Variants in PPFIA2 observed in about 807,000 individuals in gnomAD.
PPFIA2 encodes PPFI scaffold protein A2, also known as liprin-alpha-2.
A neutral mutation model predicts 175.5 loss-of-function variants in PPFIA2; 46 were observed. The ratio of observed to expected loss-of-function variants is 0.26; its 90% CI spans 0.21 to 0.34. The LOEUF is 0.34. PPFIA2 is among the 10% of genes least tolerant of loss of function. The pLI is 1.00. For missense variants in PPFIA2, 1,179 were observed against 1,506.1 expected (o/e 0.78, Z 3.60); for synonymous variants, 568 against 511.4 (o/e 1.11, Z -1.49).
chr12:81,663,882 C>T (rs1238887300), intron 4 of PPFIA2, among the ~76,000 whole-genome samples: 2 of 152,084 alleles, frequency 1.3e-5, no homozygotes, highest in African/African-American at 4.8e-5. Flanking sequence ...AGAAATAATG[C>T]CACACATCTA....
chr12:81,352,044 GAA>G (rs1243672988), intron 17 of PPFIA2, among the ~76,000 whole-genome samples: 1 of 152,084 alleles, frequency 6.6e-6, no homozygotes, highest in Non-Finnish European at 1.5e-5. Flanking sequence ...TCCAGGCAGA[GAA>G]GAGGACTCTA....
intron 3 of PPFIA2, among the ~76,000 whole-genome samples, chr12:81,736,352 C>T (rs542519445): frequency 6.9e-4 from 105 of 151,972 alleles, no homozygotes; most frequent in Non-Finnish European, 1.2e-3. Flanking sequence ...GATCATTCTT[C>T]GATACTGTAC....
chr12:81,327,148 C>T (rs1461717272), intron 21 of PPFIA2, among the ~76,000 whole-genome samples: 4 of 151,906 alleles, frequency 2.6e-5, no homozygotes, highest in African/African-American at 9.7e-5. Flanking sequence ...AATCTCATTC[C>T]TGATAACCTT....
chr12:81,314,304 C>A (rs1008841811), intron 22 of PPFIA2, among the ~76,000 whole-genome samples: 2 of 151,704 alleles, frequency 1.3e-5, no homozygotes, highest in African/African-American at 4.8e-5. Flanking sequence ...ACATTCTTTT[C>A]TACACATATT....
chr12:81,361,882 A>G (rs1425202143), intron 15 of PPFIA2, among the ~76,000 whole-genome samples: 5 of 151,598 alleles, frequency 3.3e-5, no homozygotes, highest in Non-Finnish European at 7.4e-5. Flanking sequence ...TAAATAAGTG[A>G]CTAAATGAGT....
chr12:81,609,608 T>C (rs932617674), intron 4 of PPFIA2, among the ~76,000 whole-genome samples: 1 of 152,220 alleles, frequency 6.6e-6, no homozygotes, highest in Non-Finnish European at 1.5e-5. Context: ...TTCTCTTTTT[T>C]GTTTTCCATT....
intron 21 of PPFIA2, among the ~76,000 whole-genome samples, chr12:81,329,092 C>T (rs2055523200): frequency 6.6e-6 from 1 of 152,082 alleles, no homozygotes; most frequent in African/African-American, 2.4e-5. Flanking sequence ...ATGTGAGCCA[C>T]CATGCCTGGC....
At chr12:81,547,712 T>C (rs554858317) in intron 4 of PPFIA2, among the ~76,000 whole-genome samples, 5 of 152,324 alleles carry the variant, frequency 3.3e-5, no homozygotes, top group Non-Finnish European at 7.3e-5. Context: ...CCATAATCTG[T>C]TGACACTCTA....
At chr12:81,379,943 T>A (rs1436124339) in intron 9 of PPFIA2, among the ~76,000 whole-genome samples, 1 of 152,232 alleles carries the variant, frequency 6.6e-6, no homozygotes, top group Non-Finnish European at 1.5e-5. Flanking sequence ...TTTTTTATTA[T>A]ATGGTTGTTT....
chr12:81,393,407 C>T (rs2040516937), intron 8 of PPFIA2, among the ~76,000 whole-genome samples: 1 of 152,026 alleles, frequency 6.6e-6, no homozygotes, highest in Non-Finnish European at 1.5e-5. Context: ...TAGAGTGGAT[C>T]TTTCTTCCTG....
At position 81,698,864 on chromosome 12, in the gene PPFIA2, A is replaced by G. The variant is rs1229707204; in HGVS notation, c.250-22020T>C. Among the ~76,000 whole-genome samples the G allele has an allele frequency of 3.3e-5, 5 of 152,202 alleles. No homozygotes were observed. In the East Asian group the frequency reaches 9.7e-4, roughly 29 times the overall value. ...AGTAGTGGTTTTGAGTAGACTGTAT[A>G]TGAGTTATCTATTGTATGTTCCATG... On this transcript the variant is annotated intron_variant, in intron 3 of 32. Transcript: ENST00000549396.
At chr12:81,576,564 TTTTG>T in intron 4 of PPFIA2, among the ~76,000 whole-genome samples, 1 of 151,940 alleles carries the variant, frequency 6.6e-6, no homozygotes, top group Non-Finnish European at 1.5e-5. Flanking sequence ...TTTTGTTTTG[TTTTG>T]TTTATTAATA....
At chr12:81,438,512 A>G (rs1359394860) in intron 7 of PPFIA2, among the ~76,000 whole-genome samples, 2 of 152,044 alleles carry the variant, frequency 1.3e-5, no homozygotes, top group African/African-American at 4.8e-5. Flanking sequence ...ACAAAAAACA[A>G]AGGAGTTTGT....
At chr12:81,454,034 A>G (rs1224248366) in intron 5 of PPFIA2, among the ~76,000 whole-genome samples, 3 of 152,104 alleles carry the variant, frequency 2.0e-5, no homozygotes, top group African/African-American at 7.2e-5. Flanking sequence ...TCCAGGCAAC[A>G]TGGCAAAACC....
At chr12:81,604,001 G>C (rs1406426659) in intron 4 of PPFIA2, among the ~76,000 whole-genome samples, 1 of 151,652 alleles carries the variant, frequency 6.6e-6, no homozygotes, top group African/African-American at 2.4e-5. Flanking sequence ...AGGATTATCA[G>C]ATACAATATC....
chr12:81,407,289 A>G (rs2043102785), intron 7 of PPFIA2, among the ~76,000 whole-genome samples: 1 of 151,944 alleles, frequency 6.6e-6, no homozygotes, highest in African/African-American at 2.4e-5. Context: ...GTTCATGACC[A>G]CCCTGGCCAA....
Position 81,339,351 on chromosome 12 carries a change from A to G in PPFIA2, c.2394-17T>C. 1 of 1,548,964 alleles carries G rather than the reference A, an allele frequency of 6.5e-7. No homozygotes were observed. Among genetic ancestry groups the G allele is most frequent in the Non-Finnish European group, 8.7e-7 (1 of 1,151,374 alleles). Reference sequence around the variant, plus strand: ...GATAAACTACTGCAAAACACAAAAGAGGAAAATACATGCAACATCCACAAG... The same window carrying G: ...GATAAACTACTGCAAAACACAAAAGGGGAAAATACATGCAACATCCACAAG... On this transcript the variant is annotated splice_polypyrimidine_tract_variant and intron_variant, in intron 20 of 32. Transcript: ENST00000549396.
chr12:81,287,035 G>C lies in PPFIA2; in HGVS notation c.2926-2732C>G, dbSNP rs1200672149. Among the ~76,000 whole-genome samples the C allele has an allele frequency of 2.6e-5, 4 of 151,892 alleles. No individual in the cohort carries two copies. The East Asian group carries it at 7.7e-4, about 29-fold the overall frequency. ...TTTTTATTGACTTTAGGAGGAGAGT[G>C]CTGTGCTGAAAAGTACTTTACATGC... On this transcript the variant is annotated intron_variant, in intron 24 of 32. Transcript: ENST00000549396.
intron 4 of PPFIA2, among the ~76,000 whole-genome samples, chr12:81,628,286 A>C (rs2062958001): frequency 6.6e-6 from 1 of 151,812 alleles, no homozygotes; most frequent in Admixed American, 6.6e-5. Flanking sequence ...GCATCAATTG[A>C]TCCCAAGCTA....
Sources: allele counts gnomAD v4.1 joint callset (sites outside exome capture counted in the v4.1 genomes callset), GRCh38; gene constraint gnomAD v4.1.1; transcripts MANE v1.5; gene names NCBI Gene and HGNC (gene_info 2026-07-23, HGNC 2026-07-21).